The following PLEKHA6 variants were observed in gnomAD, a reference collection of about 807,000 sequenced individuals.
PLEKHA6 encodes the protein pleckstrin homology domain containing A6, also known as pleckstrin homology domain-containing family A member 6.
PLEKHA6 carries 60 observed loss-of-function variants against 116.7 expected under a neutral mutation model. The ratio of observed to expected loss-of-function variants is 0.51; its 90% CI spans 0.42 to 0.64. PLEKHA6 has a LOEUF of 0.64. Among genes scored for constraint, PLEKHA6 ranks in the 30% least tolerant of loss-of-function variants. The pLI, the probability that PLEKHA6 is intolerant of heterozygous loss-of-function variation, is 0.00. For synonymous variants in PLEKHA6, 489 were observed against 556.1 expected (o/e 0.88, Z 1.70); for missense variants, 1,338 against 1,422.7 (o/e 0.94, Z 0.96).
chr1:204,304,188 A>G (rs1173052940), intron 1 of PLEKHA6, among the ~76,000 whole-genome samples: 5 of 152,152 alleles, frequency 3.3e-5, no homozygotes, highest in Non-Finnish European at 7.4e-5. Context: ...GACCTCCCTC[A>G]TTTCCAAAAG....
intron 15 of PLEKHA6, among the ~76,000 whole-genome samples, chr1:204,242,336 G>C (rs923314149): frequency 6.6e-6 from 1 of 152,166 alleles, no homozygotes; most frequent in African/African-American, 2.4e-5. Context: ...AAGCCTCAGT[G>C]AGAAGAATAC....
intron 1 of PLEKHA6, among the ~76,000 whole-genome samples, chr1:204,285,864 G>A (rs2102995661): frequency 6.6e-6 from 1 of 152,280 alleles, no homozygotes; most frequent in African/African-American, 2.4e-5. Flanking sequence ...AGACACAGAG[G>A]ACCTGTTCCT....
At chr1:204,276,938 T>C (rs1668076149) in intron 1 of PLEKHA6, 1 of 152,702 alleles carries the variant, frequency 6.5e-6, no homozygotes, top group Admixed American at 6.5e-5. Flanking sequence ...CAGGATGAGC[T>C]GCCAACTCAG....
intron 9 of PLEKHA6, chr1:204,255,534 G>A (rs900033128): frequency 5.9e-6 from 4 of 681,510 alleles, no homozygotes; most frequent in Non-Finnish European, 1.1e-5. Context: ...AACAAAGGTT[G>A]TCAAATGGCT....
rs1659598505 is a variant in PLEKHA6, at chr1:204,221,156, A to AAC, written c.*1630_*1631dup. The AAC allele has an allele frequency of 6.5e-6, 1 of 152,800 alleles. No individual in the cohort carries two copies. The highest frequency in any genetic ancestry group is 2.4e-5 in the African/African-American group (1 of 41,584). 9.5% of individuals were successfully genotyped at this position (152,800 alleles called of 1,614,324 possible). A position where few individuals can be genotyped will look rare whatever the true frequency, so the allele number is the denominator to read the frequency against. On this transcript the variant is annotated 3_prime_UTR_variant, in exon 23 of 23. Coordinates refer to ENST00000272203, the MANE Select transcript of PLEKHA6 (RefSeq NM_014935.5). ...TCCTCCCAGGCTGTAATCCCTCAGA[A>AAC]ACATGAGAATATCCTAAGCACCTAC... is the stretch of plus-strand genomic sequence containing the variant.
At chr1:204,320,816 A>C (rs765737345) in intron 1 of PLEKHA6, among the ~76,000 whole-genome samples, 65 of 152,228 alleles carry the variant, frequency 4.3e-4, no homozygotes, top group Non-Finnish European at 7.4e-4. Flanking sequence ...AGTGGGAGAG[A>C]GGGGTTCTTA....
intron 17 of PLEKHA6, 107 bp from the exon 18 acceptor site, chr1:204,230,693 G>C: frequency 1.1e-6 from 1 of 935,468 alleles, no homozygotes. Context: ...GCCTGTAGTG[G>C]ACTGAAGAGT....
At chr1:204,275,733 C>T (rs973193615) in intron 1 of PLEKHA6, 3 of 984,868 alleles carry the variant, frequency 3.0e-6, no homozygotes, top group Non-Finnish European at 3.6e-6. Context: ...ATGGCAACCC[C>T]CAAGATGGAT....
At chr1:204,320,865 C>A (rs1672037547) in intron 1 of PLEKHA6, among the ~76,000 whole-genome samples, 1 of 152,330 alleles carries the variant, frequency 6.6e-6, no homozygotes, top group East Asian at 1.9e-4. Context: ...CCATTACATT[C>A]TGCAAAGCCT....
intron 1 of PLEKHA6, among the ~76,000 whole-genome samples, chr1:204,284,118 T>C (rs1437523497): frequency 1.3e-5 from 2 of 152,216 alleles, no homozygotes; most frequent in African/African-American, 4.8e-5. Context: ...TGCCCCCTCC[T>C]GTCCCTCCCC....
intron 1 of PLEKHA6, 63 bp from the exon 2 acceptor site, chr1:204,274,872 C>G (rs138106364): frequency 2.0e-6 from 2 of 984,524 alleles, no homozygotes; most frequent in Non-Finnish European, 2.4e-6. Context: ...AAAGCCAATG[C>G]GTGGACAGAC....
intron 3 of PLEKHA6, among the ~76,000 whole-genome samples, chr1:204,365,191 A>T (rs1240056406): frequency 6.6e-6 from 1 of 152,206 alleles, no homozygotes; most frequent in Non-Finnish European, 1.5e-5. Flanking sequence ...CGAGACTATG[A>T]TGCCCTTTAC....
At position 204,245,019 on chromosome 1, in the gene PLEKHA6, G is replaced by C; in HGVS notation, c.2033-16C>G. ...CCAAGTCCTCCTTGGGGGAAACAAG[G>C]GGATGGGTGAGCAATGGAGGAGGGG... On this transcript the variant is annotated splice_polypyrimidine_tract_variant and intron_variant, in intron 14 of 22. Coordinates refer to ENST00000272203, the MANE Select transcript of PLEKHA6 (RefSeq NM_014935.5). 7.1e-7 allele frequency: 1 copy of C among 1,406,266 alleles called. No individual in the cohort carries two copies. Among genetic ancestry groups the C allele is most frequent in the Non-Finnish European group, 9.3e-7 (1 of 1,076,804 alleles). The allele number at this position is 1,406,266 out of a possible 1,614,324, so 87.1% of individuals were successfully genotyped here.
Position 204,219,360 on chromosome 1 carries a change from C to T in PLEKHA6, c.*3428G>A, listed in dbSNP as rs1056007065. The T allele has an allele frequency of 1.3e-5, 2 of 152,496 alleles. No individual in the cohort carries two copies. The highest frequency in any genetic ancestry group is 4.8e-5 in the African/African-American group (2 of 41,408). 9.4% of individuals were successfully genotyped at this position (152,496 alleles called of 1,614,324 possible). A position where few individuals can be genotyped will look rare whatever the true frequency, so the allele number is the denominator to read the frequency against. ...TGGTTCCCTCTTGCCGTAGCCAGCC[C>T]TGCCCAAGAACATGCCTCTCCCAAA... On this transcript the variant is annotated 3_prime_UTR_variant, in exon 23 of 23. Coordinates refer to ENST00000272203, the MANE Select transcript of PLEKHA6 (RefSeq NM_014935.5).
In PLEKHA6 at chr1:204,244,919, G is replaced by T; in HGVS notation, c.2117C>A (p.Pro706His). 6.5e-7 allele frequency: 1 copy of T among 1,529,606 alleles called. No homozygotes were observed. The highest frequency in any genetic ancestry group is 2.5e-5 in the East Asian group (1 of 39,770). The allele number at this position is 1,529,606 out of a possible 1,614,324, so 94.8% of individuals were successfully genotyped here. A position where few individuals can be genotyped will look rare whatever the true frequency, so the allele number is the denominator to read the frequency against. ...SSASLTSPLSPFSLVSGSQGS... is the reference protein window; with the variant it reads ...SSASLTSPLSHFSLVSGSQGS... ...CTGAGAGCCCGACACCAGTGAAAAGGGGCTCAGGGGGCTGGTGAGGCTGGC... is the reference window on the plus strand; with the variant it reads ...CTGAGAGCCCGACACCAGTGAAAAGTGGCTCAGGGGGCTGGTGAGGCTGGC... The change falls in exon 15 of 23, where the codon CCC becomes CAC. Residue 706 changes from proline to histidine, a missense_variant. Pro to His is a moderately conservative substitution (Grantham distance 77). This residue lies in a region of PLEKHA6 where 1,136 missense variants were observed against 1,163.6 expected (regional missense o/e 0.98). Transcript: ENST00000272203.
At chr1:204,245,593 G>C in intron 14 of PLEKHA6, 22 bp downstream of exon 14, 1 of 1,443,402 alleles carries the variant, frequency 6.9e-7, no homozygotes, top group Non-Finnish European at 9.7e-7. Context: ...CAGCCTAGGA[G>C]GCTGGCACAG....
intron 1 of PLEKHA6, among the ~76,000 whole-genome samples, chr1:204,334,229 A>G (rs1381141688): frequency 6.6e-6 from 1 of 152,192 alleles, no homozygotes; most frequent in Non-Finnish European, 1.5e-5. Flanking sequence ...CTAACCCTCC[A>G]TCACAGCGGG....
Position 204,228,269 on chromosome 1 carries a change from G to C in PLEKHA6, c.2886-41C>G, listed in dbSNP as rs1486830647. On this transcript the variant is annotated intron_variant, in intron 20 of 22. Coordinates refer to ENST00000272203, the MANE Select transcript of PLEKHA6 (RefSeq NM_014935.5). The surrounding 1 kb of genome is among the most constrained non-coding windows in gnomAD (Gnocchi z 4.0). ...CACACAGAAATGGAGGGAGGGACAG[G>C]ATGGTCCAAGTGGCTTGAGGGGGCC... is the stretch of plus-strand genomic sequence containing the variant. The C allele has an allele frequency of 6.4e-7, 1 of 1,554,116 alleles. No homozygotes were observed.
intron 5 of PLEKHA6, among the ~76,000 whole-genome samples, chr1:204,265,890 T>C (rs1365624250): frequency 1.3e-5 from 2 of 152,110 alleles, no homozygotes; most frequent in African/African-American, 2.4e-5. Flanking sequence ...AGGAGCCTGA[T>C]GGATTGGCCA....
Sources: allele counts gnomAD v4.1 joint callset (sites outside exome capture counted in the v4.1 genomes callset), GRCh38; gene constraint gnomAD v4.1.1; regional missense constraint gnomAD v4.1.1; non-coding constraint Gnocchi (gnomAD v3.1); transcripts MANE v1.5; gene names NCBI Gene and HGNC (gene_info 2026-07-23, HGNC 2026-07-21).